Variants in NLGN1 observed in about 807,000 individuals in gnomAD.
The protein encoded by NLGN1 is neuroligin-1.
A neutral mutation model predicts 65.5 loss-of-function variants in NLGN1; 12 were observed. The observed-to-expected ratio is 0.18, with a 90% CI of 0.12 to 0.30. The LOEUF is 0.30. Ranked by LOEUF, NLGN1 falls within the 10% of genes least tolerant of loss-of-function variation. NLGN1 has a pLI of 1.00. For missense variants in NLGN1, 750 were observed against 1,007.1 expected, an observed-to-expected ratio of 0.74 and a Z score of 3.46; for synonymous variants, 350 against 359.5, an observed-to-expected ratio of 0.97 and a Z score of 0.30.
At chr3:173,557,571 A>G (rs908905612) in intron 2 of NLGN1, among the ~76,000 whole-genome samples, 6 of 151,936 alleles carry the variant, frequency 3.9e-5, no homozygotes, top group African/African-American at 1.4e-4. Flanking sequence ...CTTCTGTTTT[A>G]TATCTTCTAT....
chr3:173,565,195 G>C (rs1248856082), intron 2 of NLGN1, among the ~76,000 whole-genome samples: 1 of 152,170 alleles, frequency 6.6e-6, no homozygotes, highest in Non-Finnish European at 1.5e-5. Flanking sequence ...TTATGAGAAG[G>C]ACAGCCAGGT....
chr3:174,055,332 A>C lies in NLGN1; in HGVS notation c.647-219983A>C, dbSNP rs150394406. On this transcript the variant is annotated intron_variant, in intron 4 of 6. Transcript: ENST00000457714. ...AGGGAACTGGGAAAGTTGTCGCTGA[A>C]AAAAAATTTTGAACCAACGTTGGAA... 6.8e-3 allele frequency among the ~76,000 whole-genome samples: 1,038 copies of C among 152,022 alleles called. 9 individuals carry two copies. The highest frequency in any genetic ancestry group is 0.024 in the African/African-American group (1,008 of 41,522).
At position 173,909,567 on chromosome 3, in the gene NLGN1, G is replaced by C. The variant is rs1395520461; in HGVS notation, c.646+101735G>C. 2.0e-5 allele frequency among the ~76,000 whole-genome samples: 3 copies of C among 152,176 alleles called. No homozygotes were observed. In the East Asian group the frequency reaches 5.8e-4, roughly 29 times the overall value. The stretch of plus-strand genomic sequence containing the variant: ...CTGGAGAAGCTAATGGTTGCTGGTA[G>C]ATTATATTATTTTCTCACCTTTCAG... On this transcript the variant is annotated intron_variant, in intron 4 of 6. Coordinates refer to ENST00000457714, the Ensembl canonical transcript of NLGN1.
intron 3 of NLGN1, among the ~76,000 whole-genome samples, chr3:173,614,805 T>C (rs1752817399): frequency 6.6e-6 from 1 of 152,158 alleles, no homozygotes; most frequent in African/African-American, 2.4e-5. Context: ...TTTCTTTCCT[T>C]TTCTTCACTT....
chr3:173,538,991 A>G (rs901227650), intron 2 of NLGN1, among the ~76,000 whole-genome samples: 1 of 151,886 alleles, frequency 6.6e-6, no homozygotes, highest in African/African-American at 2.4e-5. Flanking sequence ...ACAAACCATC[A>G]GCCACAGCCC....
intron 4 of NLGN1, among the ~76,000 whole-genome samples, chr3:174,184,185 A>G (rs1159470516): frequency 1.3e-5 from 2 of 152,158 alleles, no homozygotes; most frequent in African/African-American, 2.4e-5. Flanking sequence ...AATATTTAAA[A>G]GACTGTCATT....
chr3:173,621,112 C>A (rs1178479032), intron 3 of NLGN1, among the ~76,000 whole-genome samples: 2 of 152,094 alleles, frequency 1.3e-5, no homozygotes, highest in African/African-American at 4.8e-5. Context: ...CATACAAGTA[C>A]TGCACTTGGG....
chr3:174,158,481 C>T (rs1725876650), intron 4 of NLGN1, among the ~76,000 whole-genome samples: 1 of 151,364 alleles, frequency 6.6e-6, no homozygotes, highest in East Asian at 2.0e-4. Context: ...ATTGAAATTC[C>T]CTGGAAAGTC....
At chr3:174,149,096 G>T (rs959845364) in intron 4 of NLGN1, among the ~76,000 whole-genome samples, 5 of 152,146 alleles carry the variant, frequency 3.3e-5, no homozygotes, top group African/African-American at 1.2e-4. Flanking sequence ...GGGTAGAAAA[G>T]AAGTTCCTAA....
At chr3:173,816,784 T>C (rs549779569) in intron 4 of NLGN1, among the ~76,000 whole-genome samples, 3 of 152,238 alleles carry the variant, frequency 2.0e-5, no homozygotes, top group Non-Finnish European at 2.9e-5. Flanking sequence ...GCCTGGTGTT[T>C]CCTCTACCCC....
At chr3:173,859,336 T>A (rs918237938) in intron 4 of NLGN1, among the ~76,000 whole-genome samples, 4 of 152,104 alleles carry the variant, frequency 2.6e-5, no homozygotes, top group Non-Finnish European at 5.9e-5. Flanking sequence ...CAAAGGAGTT[T>A]GCATTTGGGC....
At chr3:173,490,128 G>A (rs1363147339) in intron 2 of NLGN1, among the ~76,000 whole-genome samples, 2 of 152,130 alleles carry the variant, frequency 1.3e-5, no homozygotes, top group Non-Finnish European at 2.9e-5. Flanking sequence ...TGTTGCCATT[G>A]CTTTTGGTGT....
chr3:173,549,903 A>G (rs1740558604), intron 2 of NLGN1, among the ~76,000 whole-genome samples: 1 of 152,070 alleles, frequency 6.6e-6, no homozygotes, highest in South Asian at 2.1e-4. Context: ...TTTCCAGTGA[A>G]CCATTATTGG....
intron 4 of NLGN1, among the ~76,000 whole-genome samples, chr3:173,885,771 G>A (rs1408360067): frequency 2.0e-5 from 3 of 151,852 alleles, no homozygotes; most frequent in Non-Finnish European, 2.9e-5. Context: ...CTTCAGGGAA[G>A]AAAGATATAA....
chr3:173,820,104 G>A (rs1475238669), intron 4 of NLGN1, among the ~76,000 whole-genome samples: 1 of 151,846 alleles, frequency 6.6e-6, no homozygotes, highest in African/African-American at 2.4e-5. Flanking sequence ...GCGCGAACCC[G>A]GGAGGCGGAG....
rs375417940 is a variant in NLGN1 at position 174,159,014 on chromosome 3, CA to C, written c.647-116294del. Among the ~76,000 whole-genome samples, 1,485 of 151,588 alleles carry C rather than the reference CA, an allele frequency of 9.8e-3. 28 individuals are homozygous for C. Among genetic ancestry groups the C allele is most frequent in the African/African-American group, 0.034 (1,412 of 41,416 alleles). On this transcript the variant is annotated intron_variant, in intron 4 of 6. Coordinates refer to ENST00000457714, the Ensembl canonical transcript of NLGN1. ...TCGAGATGTACAAAATGAAAAGATA[CA>C]AAAAAATCTTCTCTGGTTATTAGAG...
intron 3 of NLGN1, among the ~76,000 whole-genome samples, chr3:173,650,755 C>T (rs1239787073): frequency 3.3e-5 from 5 of 152,202 alleles, no homozygotes; most frequent in Non-Finnish European, 5.9e-5. Flanking sequence ...CTTTACTATA[C>T]ACGAAGTTTT....
intron 1 of NLGN1, among the ~76,000 whole-genome samples, chr3:173,404,050 G>A (rs1225689792): frequency 6.6e-6 from 1 of 152,116 alleles, no homozygotes; most frequent in African/African-American, 2.4e-5. Context: ...GATACATATT[G>A]TAGTTTGCAG....
At position 174,043,813 on chromosome 3, in the gene NLGN1, A is replaced by C. The variant is rs9877269; in HGVS notation, c.647-231502A>C. ...CCCTCTTCTCACAGCTGCAGTAGGC[A>C]GTGTCCCCAGTGGGGACGCTGTGTG... On this transcript the variant is annotated intron_variant, in intron 4 of 6. Transcript: ENST00000457714. Among the ~76,000 whole-genome samples the C allele has an allele frequency of 8.8e-3, 1,336 of 152,328 alleles. 26 individuals are homozygous for C. Among genetic ancestry groups the C allele is most frequent in the African/African-American group, 0.03 (1,257 of 41,582 alleles).
Sources: gnomAD v4.1 joint callset for allele counts (sites outside exome capture counted in the v4.1 genomes callset) on GRCh38, gnomAD v4.1.1 for gene constraint, MANE v1.5 for transcripts, NCBI Gene and HGNC (gene_info 2026-07-23, HGNC 2026-07-21) for gene names.